Variants in DLG2 observed in about 807,000 individuals in gnomAD.
The protein encoded by DLG2 is disks large homolog 2.
DLG2 carries 45 observed loss-of-function variants against 132.5 expected under a neutral mutation model. That is an observed-to-expected ratio of 0.34 (90% CI 0.27 to 0.44). The LOEUF is 0.44. Ranked by LOEUF, DLG2 falls within the 20% of genes least tolerant of loss-of-function variation. The pLI is 1.00. For synonymous variants in DLG2, 424 were observed against 419.6 expected (o/e 1.01, Z -0.13); for missense variants, 1,045 against 1,196.9 (o/e 0.87, Z 1.87).
chr11:84,258,003 T>G (rs1487573138), intron 7 of DLG2, among the ~76,000 whole-genome samples: 2 of 152,128 alleles, frequency 1.3e-5, no homozygotes, highest in Admixed American at 1.3e-4. Context: ...TAATTTTTGC[T>G]GTTGATCAAC....
At chr11:85,601,563 T>TCTCTTGAC (rs1321417826) in intron 2 of DLG2, among the ~76,000 whole-genome samples, 1 of 152,082 alleles carries the variant, frequency 6.6e-6, no homozygotes, top group African/African-American at 2.4e-5. Context: ...ATGGTCTTGA[T>TCTCTTGAC]CTCTTGACCT....
chr11:83,787,410 C>A (rs2040306378), intron 17 of DLG2, among the ~76,000 whole-genome samples: 1 of 148,800 alleles, frequency 6.7e-6, no homozygotes, highest in South Asian at 2.2e-4. Context: ...CAAGCTCCGC[C>A]TCCCGGGTTC....
At chr11:85,003,121 C>T (rs969869365) in intron 6 of DLG2, among the ~76,000 whole-genome samples, 1 of 151,864 alleles carries the variant, frequency 6.6e-6, no homozygotes, top group Non-Finnish European at 1.5e-5. Context: ...CCTTAATCTC[C>T]ACATTTTTCA....
intron 18 of DLG2, chr11:83,651,529 C>T (rs977486855): frequency 4.7e-5 from 8 of 171,530 alleles, no homozygotes; most frequent in African/African-American, 1.7e-4. Context: ...TTTGGCAAGA[C>T]CTTCTGAGTT....
chr11:84,462,362 T>G (rs1207079792), intron 7 of DLG2, among the ~76,000 whole-genome samples: 1 of 151,054 alleles, frequency 6.6e-6, no homozygotes, highest in Non-Finnish European at 1.5e-5. Flanking sequence ...AAAAACCTTT[T>G]TTCCAACAAC....
chr11:85,497,552 C>T (rs1489610390), intron 3 of DLG2, among the ~76,000 whole-genome samples: 1 of 152,098 alleles, frequency 6.6e-6, no homozygotes, highest in Non-Finnish European at 1.5e-5. Context: ...GTCAGGCCAA[C>T]ATTCAAATTC....
At chr11:84,084,180 T>C (rs1330857233) in intron 10 of DLG2, among the ~76,000 whole-genome samples, 1 of 152,140 alleles carries the variant, frequency 6.6e-6, no homozygotes, top group Non-Finnish European at 1.5e-5. Context: ...TGTAGTATTG[T>C]AGGCATGCAC....
chr11:83,961,466 A>T (rs75427455), intron 14 of DLG2, among the ~76,000 whole-genome samples: 20,065 of 151,892 alleles, frequency 0.13, 1,617 homozygotes, highest in African/African-American at 0.21. Context: ...TTTTCTACTT[A>T]TTAATAAAAG....
chr11:83,889,175 C>A (rs959586861), intron 15 of DLG2, among the ~76,000 whole-genome samples: 2 of 152,002 alleles, frequency 1.3e-5, no homozygotes, highest in African/African-American at 2.4e-5. Context: ...AGGAAACCTA[C>A]AAAATGGGAG....
At chr11:85,030,084 G>C (rs2060882301) in intron 6 of DLG2, among the ~76,000 whole-genome samples, 1 of 152,130 alleles carries the variant, frequency 6.6e-6, no homozygotes, top group Non-Finnish European at 1.5e-5. Flanking sequence ...GTCTACCCTA[G>C]CGGGGAAGGC....
chr11:84,224,733 T>C (rs1037556972), intron 8 of DLG2, among the ~76,000 whole-genome samples: 1 of 152,198 alleles, frequency 6.6e-6, no homozygotes, highest in African/African-American at 2.4e-5. Flanking sequence ...TATTATACCA[T>C]GCGCTCTACT....
intron 4 of DLG2, among the ~76,000 whole-genome samples, chr11:85,205,990 T>A (rs1424984740): frequency 6.6e-6 from 1 of 152,186 alleles, no homozygotes; most frequent in Non-Finnish European, 1.5e-5. Context: ...AAATCTCATG[T>A]GGAATTGTAA....
At chr11:84,073,155 A>C (rs2096780819) in intron 10 of DLG2, among the ~76,000 whole-genome samples, 1 of 152,180 alleles carries the variant, frequency 6.6e-6, no homozygotes, top group Non-Finnish European at 1.5e-5. Flanking sequence ...TGAATTTTAT[A>C]AGTGGGGAAG....
intron 16 of DLG2, among the ~76,000 whole-genome samples, chr11:83,857,428 T>G (rs1449561675): frequency 6.6e-6 from 1 of 152,224 alleles, no homozygotes; most frequent in African/African-American, 2.4e-5. Context: ...TTTAATGATA[T>G]TGATTCTTCC....
chr11:84,422,399 T>A (rs371991447), intron 7 of DLG2, among the ~76,000 whole-genome samples: 119 of 152,330 alleles, frequency 7.8e-4, no homozygotes, highest in African/African-American at 2.3e-3. Context: ...TTAAAATTTA[T>A]TTGATTGTAA....
intron 18 of DLG2, among the ~76,000 whole-genome samples, chr11:83,752,720 G>A (rs1006105940): frequency 6.9e-6 from 1 of 145,630 alleles, no homozygotes; most frequent in Non-Finnish European, 1.5e-5. Context: ...TCTCCTAAGG[G>A]ATTGATTCAA....
intron 18 of DLG2, among the ~76,000 whole-genome samples, chr11:83,784,528 C>CTTG (rs2094960663): frequency 6.6e-6 from 1 of 152,170 alleles, no homozygotes; most frequent in African/African-American, 2.4e-5. Flanking sequence ...TTGTAAAAAG[C>CTTG]TTGTTGTTAT....
At chr11:84,528,663 T>G (rs1459176246) in intron 7 of DLG2, among the ~76,000 whole-genome samples, 1 of 152,198 alleles carries the variant, frequency 6.6e-6, no homozygotes, top group African/African-American at 2.4e-5. Context: ...TTTTCTTCCT[T>G]TTAGTGTTTG....
intron 19 of DLG2, among the ~76,000 whole-genome samples, chr11:83,571,344 T>A (rs200438865): frequency 6.7e-6 from 1 of 150,324 alleles, no homozygotes; most frequent in Non-Finnish European, 1.5e-5. Flanking sequence ...AGTTAAAAAT[T>A]AAAAAAAAAA....
Sources: gnomAD v4.1 joint callset for allele counts (sites outside exome capture counted in the v4.1 genomes callset) on GRCh38, gnomAD v4.1.1 for gene constraint, MANE v1.5 for transcripts, NCBI Gene and HGNC (gene_info 2026-07-23, HGNC 2026-07-21) for gene names.